SYN2: variants seen among roughly 807,000 people sequenced by gnomAD.
SYN2 encodes the protein synapsin-2.
In SYN2, 19 loss-of-function variants were observed where a neutral mutation model predicts 50.9. The ratio of observed to expected loss-of-function variants is 0.37; its 90% confidence interval spans 0.26 to 0.55. The LOEUF (loss-of-function observed/expected upper bound fraction) is 0.55. Ranked by LOEUF, SYN2 falls within the 20% of genes least tolerant of loss-of-function variation. SYN2 has a pLI of 0.81. For synonymous variants in SYN2, 255 were observed against 224.9 expected, an observed-to-expected ratio of 1.13 and a Z score of -1.20; for missense variants, 587 against 576.4, an observed-to-expected ratio of 1.02 and a Z score of -0.19.
At chr3:12,133,296 T>G (rs1303032282) in intron 1 of SYN2, among the ~76,000 whole-genome samples, 1 of 152,236 alleles carries the variant, frequency 6.6e-6, no homozygotes, top group Non-Finnish European at 1.5e-5. Context: ...TTTCTTATTC[T>G]GAACCAAACC....
intron 1 of SYN2, among the ~76,000 whole-genome samples, chr3:12,022,865 C>T (rs1364875173): frequency 6.6e-6 from 1 of 152,008 alleles, no homozygotes; most frequent in African/African-American, 2.4e-5. Context: ...TTATTAATGC[C>T]TATAGGAGGA....
intron 1 of SYN2, among the ~76,000 whole-genome samples, chr3:12,074,408 C>T (rs986659938): frequency 3.3e-5 from 5 of 152,068 alleles, no homozygotes; most frequent in African/African-American, 9.7e-5. Context: ...CTGCCTTCTA[C>T]CAGATTGCAA....
At chr3:12,040,430 C>CTTTTTT (rs34991752) in intron 1 of SYN2, among the ~76,000 whole-genome samples, 1 of 109,254 alleles carries the variant, frequency 9.2e-6, no homozygotes, top group Non-Finnish European at 1.9e-5. Flanking sequence ...AGTTCTGTTT[C>CTTTTTT]TTTTTTTTTT....
At chr3:12,090,500 C>G (rs144431972) in intron 1 of SYN2, among the ~76,000 whole-genome samples, 2 of 148,214 alleles carry the variant, frequency 1.3e-5, no homozygotes, top group East Asian at 3.9e-4. Context: ...CACTTTCTTG[C>G]CAGTAAGACC....
intron 5 of SYN2, among the ~76,000 whole-genome samples, chr3:12,158,085 A>G (rs1020910835): frequency 4.6e-5 from 7 of 152,114 alleles, no homozygotes; most frequent in African/African-American, 1.7e-4. Flanking sequence ...TGGAGTGCAC[A>G]CGTGTAAAGA....
At chr3:12,181,190 T>G (rs1698212055) in intron 10 of SYN2, among the ~76,000 whole-genome samples, 1 of 152,250 alleles carries the variant, frequency 6.6e-6, no homozygotes, top group Admixed American at 6.5e-5. Flanking sequence ...CATAGTCTTC[T>G]GTAACCCTCT....
intron 1 of SYN2, among the ~76,000 whole-genome samples, chr3:12,037,411 A>G (rs976705268): frequency 6.6e-5 from 10 of 152,250 alleles, no homozygotes; most frequent in Non-Finnish European, 1.5e-5. Flanking sequence ...TTGCTGTAAC[A>G]GAATACCACA....
At chr3:12,044,294 A>ATT in intron 1 of SYN2, among the ~76,000 whole-genome samples, 1 of 152,138 alleles carries the variant, frequency 6.6e-6, no homozygotes, top group Non-Finnish European at 1.5e-5. Context: ...AAAAGCAAAA[A>ATT]AGAATGAAAT....
At chr3:12,021,306 A>G (rs1237879767) in intron 1 of SYN2, among the ~76,000 whole-genome samples, 2 of 152,218 alleles carry the variant, frequency 1.3e-5, no homozygotes, top group African/African-American at 2.4e-5. Flanking sequence ...AAAAGATTCT[A>G]TGAAAGGTTT....
At chr3:12,100,311 A>T (rs1465102076) in intron 1 of SYN2, among the ~76,000 whole-genome samples, 1 of 152,212 alleles carries the variant, frequency 6.6e-6, no homozygotes, top group Non-Finnish European at 1.5e-5. Flanking sequence ...AAGAAATAGA[A>T]TTGACAGTCC....
At chr3:12,014,645 G>A (rs543238575) in intron 1 of SYN2, among the ~76,000 whole-genome samples, 3 of 152,062 alleles carry the variant, frequency 2.0e-5, no homozygotes, top group African/African-American at 7.2e-5. Context: ...CTGAAAATTC[G>A]GTCTTCTTTT....
At position 12,169,752 on chromosome 3, in the gene SYN2, A is replaced by G. The variant is rs778626865; in HGVS notation, c.1159-5A>G. 2 of 1,613,740 alleles carry G rather than the reference A, an allele frequency of 1.2e-6. No homozygotes were observed. Among genetic ancestry groups the G allele is most frequent in the Non-Finnish European group, 1.7e-6 (2 of 1,179,786 alleles). On this transcript the variant is annotated splice_polypyrimidine_tract_variant and splice_region_variant and intron_variant, in intron 9 of 12. Coordinates refer to ENST00000621198, the MANE Select transcript of SYN2 (RefSeq NM_133625.6). Reference sequence around the variant, plus strand: ...TTTCCTCACCTGGGACACATCTCCCACCAGGTCATGGACTGTAGCATGCCA... The same window carrying G: ...TTTCCTCACCTGGGACACATCTCCCGCCAGGTCATGGACTGTAGCATGCCA...
intron 1 of SYN2, among the ~76,000 whole-genome samples, chr3:12,110,941 G>A (rs1012047687): frequency 6.6e-6 from 1 of 152,202 alleles, no homozygotes; most frequent in Non-Finnish European, 1.5e-5. Context: ...TGAGACTTTG[G>A]ACTGGACTTT....
chr3:12,165,606 T>C (rs879376015), intron 7 of SYN2: 6 of 152,258 alleles, frequency 3.9e-5, no homozygotes, highest in Non-Finnish European at 8.8e-5. Context: ...GAGTTGGGTA[T>C]GCAACCTGAA....
intron 1 of SYN2, among the ~76,000 whole-genome samples, chr3:12,056,373 G>A (rs1450246389): frequency 6.6e-6 from 1 of 151,922 alleles, no homozygotes; most frequent in Non-Finnish European, 1.5e-5. Flanking sequence ...GTGGATACAT[G>A]AGTGTTTGCC....
chr3:12,007,747 AAGC>A (rs1248125840), intron 1 of SYN2, among the ~76,000 whole-genome samples: 1 of 152,226 alleles, frequency 6.6e-6, no homozygotes, highest in African/African-American at 2.4e-5. Context: ...GGCTTAAAAT[AAGC>A]AGCCTCTCAG....
chr3:12,016,581 G>A (rs1013731835), intron 1 of SYN2, among the ~76,000 whole-genome samples: 1 of 152,200 alleles, frequency 6.6e-6, no homozygotes, highest in Admixed American at 6.5e-5. Flanking sequence ...TGTAGGCCAG[G>A]CGTGGTGGCT....
At chr3:12,087,025 A>T (rs1273020860) in intron 1 of SYN2, among the ~76,000 whole-genome samples, 1 of 152,220 alleles carries the variant, frequency 6.6e-6, no homozygotes, top group Non-Finnish European at 1.5e-5. Context: ...GCTGTAGGAT[A>T]CAAAATCAGC....
At chr3:12,076,568 A>T (rs1695472109) in intron 1 of SYN2, among the ~76,000 whole-genome samples, 2 of 151,928 alleles carry the variant, frequency 1.3e-5, no homozygotes, top group Admixed American at 6.6e-5. Flanking sequence ...AAAAAAAATG[A>T]TTTCAAGGGA....
Sources: gnomAD v4.1 joint callset for allele counts (sites outside exome capture counted in the v4.1 genomes callset) on GRCh38, gnomAD v4.1.1 for gene constraint, MANE v1.5 for transcripts, NCBI Gene and HGNC (gene_info 2026-07-23, HGNC 2026-07-21) for gene names.